LGSN: variants seen among roughly 807,000 people sequenced by gnomAD.
LGSN encodes lengsin, lens protein with glutamine synthetase domain.
A neutral mutation model predicts 19.5 loss-of-function variants in LGSN; 21 were observed. The ratio of observed to expected loss-of-function variants is 1.07; its 90% CI spans 0.76 to 1.55. LGSN has a LOEUF of 1.55. Ranked by LOEUF, LGSN falls within the 40% of genes most tolerant of loss-of-function variation. The pLI, the probability that LGSN is intolerant of heterozygous loss-of-function variation, is 0.00. For synonymous variants in LGSN, 257 were observed against 215.6 expected (o/e 1.19, Z -1.68); for missense variants, 673 against 608.5 (o/e 1.11, Z -1.12).
the LGSN span, among the ~76,000 whole-genome samples, chr6:63,376,143 T>C: frequency 5.3e-5 from 8 of 152,166 alleles, no homozygotes; most frequent in Non-Finnish European, 1.0e-4. Flanking sequence ...TTGCCCATGT[T>C]CCCCCGATGC....
rs1437821570 is a variant in LGSN at position 63,281,074 on chromosome 6, C to G, written c.477G>C (p.Leu159Phe). 1 of 1,613,738 alleles carries G rather than the reference C, an allele frequency of 6.2e-7. No individual in the cohort carries two copies. Among genetic ancestry groups the G allele is most frequent in the Non-Finnish European group, 8.5e-7 (1 of 1,179,938 alleles). ...CTCTTGCAGTTCTGTCAGCCCATGG[C>G]AAAACTCTAAAGGTTGATAACTCTG... The part of the protein sequence containing the change: ...LMPELSTFRV[L>F]PWADRTARVI... The change falls in exon 4 of 4, where the codon TTG becomes TTC. Residue 159 changes from leucine (L) to phenylalanine (F), a missense_variant. Physicochemically the swap from Leu to Phe is conservative, Grantham distance 22. Transcript: ENST00000370657.
intron 2 of LGSN, among the ~76,000 whole-genome samples, chr6:63,294,264 G>A (rs1014296828): frequency 6.6e-6 from 1 of 152,074 alleles, no homozygotes; most frequent in Non-Finnish European, 1.5e-5. Flanking sequence ...GAGCCCAGGA[G>A]GCAGAGATTG....
At chr6:63,340,360 CAT>C in the LGSN span, among the ~76,000 whole-genome samples, 2 of 152,050 alleles carry the variant, frequency 1.3e-5, no homozygotes, top group African/African-American at 2.4e-5. Context: ...AGATTTTCTA[CAT>C]GTTTCCCCAT....
the LGSN span, among the ~76,000 whole-genome samples, chr6:63,363,668 CA>C: frequency 1.3e-5 from 2 of 152,100 alleles, no homozygotes; most frequent in African/African-American, 4.8e-5. Context: ...TATAAAGAAA[CA>C]AACAAAGCCT....
At chr6:63,420,197 C>T in the LGSN span, among the ~76,000 whole-genome samples, 2 of 148,548 alleles carry the variant, frequency 1.3e-5, no homozygotes, top group Admixed American at 6.7e-5. Flanking sequence ...ACCGAGACTG[C>T]GTCTCAAAAA....
the LGSN span, among the ~76,000 whole-genome samples, chr6:63,496,983 CTTGA>C: frequency 6.6e-6 from 1 of 151,920 alleles, no homozygotes; most frequent in Admixed American, 6.6e-5. Flanking sequence ...AACAAAAATC[CTTGA>C]TTGAAATATG....
chr6:63,364,485 T>C, the LGSN span, among the ~76,000 whole-genome samples: 6 of 152,104 alleles, frequency 3.9e-5, no homozygotes, highest in South Asian at 4.1e-4. Flanking sequence ...ACAATAATAA[T>C]GGGAGACTTT....
the LGSN span, among the ~76,000 whole-genome samples, chr6:63,560,138 T>C: frequency 6.6e-6 from 1 of 151,822 alleles, no homozygotes; most frequent in African/African-American, 2.4e-5. Context: ...AAGTGAAAAG[T>C]ACCAGCCTGG....
chr6:63,474,949 G>GTGCAAA, the LGSN span, among the ~76,000 whole-genome samples: 2 of 151,286 alleles, frequency 1.3e-5, no homozygotes, highest in African/African-American at 4.8e-5. Flanking sequence ...CACAGATTTT[G>GTGCAAA]TGCAAAATGA....
At chr6:63,569,300 G>A in the LGSN span, among the ~76,000 whole-genome samples, 1 of 152,170 alleles carries the variant, frequency 6.6e-6, no homozygotes, top group African/African-American at 2.4e-5. Flanking sequence ...CTGTCTCCCA[G>A]GCTAGAGTGC....
chr6:63,566,690 T>C, the LGSN span, among the ~76,000 whole-genome samples: 10 of 152,330 alleles, frequency 6.6e-5, no homozygotes, highest in South Asian at 2.1e-4. Context: ...AGGGAGGTAG[T>C]TGCTGAAGGT....
At chr6:63,316,026 G>C (rs1768837023) in intron 1 of LGSN, among the ~76,000 whole-genome samples, 1 of 152,016 alleles carries the variant, frequency 6.6e-6, no homozygotes, top group Non-Finnish European at 1.5e-5. Context: ...AAAATGGAAT[G>C]GGTTATTTGT....
chr6:63,432,188 GAAAAGA>G, the LGSN span, among the ~76,000 whole-genome samples: 8 of 31,930 alleles, frequency 2.5e-4, no homozygotes, highest in Admixed American at 5.4e-4. Context: ...AGAAAGAAAA[GAAAAGA>G]AAAGAAAAGA....
the LGSN span, among the ~76,000 whole-genome samples, chr6:63,505,378 G>A: frequency 6.6e-6 from 1 of 151,282 alleles, no homozygotes; most frequent in Non-Finnish European, 1.5e-5. Flanking sequence ...AGGAGTTCAA[G>A]GCCAGCCTGG....
the LGSN span, among the ~76,000 whole-genome samples, chr6:63,429,823 A>G: frequency 6.6e-6 from 1 of 151,664 alleles, no homozygotes; most frequent in Non-Finnish European, 1.5e-5. Flanking sequence ...AGCTCCTCCT[A>G]TCATTCTGCT....
chr6:63,326,436 G>C, the LGSN span, among the ~76,000 whole-genome samples: 1 of 152,212 alleles, frequency 6.6e-6, no homozygotes, highest in Non-Finnish European at 1.5e-5. Flanking sequence ...TGCCAGTCCC[G>C]TGCCATGCAC....
chr6:63,284,956 C>T (rs1413266678), intron 3 of LGSN, among the ~76,000 whole-genome samples: 1 of 152,056 alleles, frequency 6.6e-6, no homozygotes, highest in African/African-American at 2.4e-5. Context: ...ACCTGATGTC[C>T]CTTGCTAAGA....
At chr6:63,499,283 A>G in the LGSN span, among the ~76,000 whole-genome samples, 1 of 152,092 alleles carries the variant, frequency 6.6e-6, no homozygotes, top group Admixed American at 6.5e-5. Context: ...ATTTTGATAA[A>G]AGCTGAACAG....
intron 2 of LGSN, among the ~76,000 whole-genome samples, chr6:63,291,223 C>T (rs528989743): frequency 2.0e-5 from 3 of 152,284 alleles, no homozygotes; most frequent in East Asian, 1.9e-4. Context: ...TTACCATGCT[C>T]TTTTAGTTTT....
Sources: gnomAD v4.1 joint callset for allele counts (sites outside exome capture counted in the v4.1 genomes callset) on GRCh38, gnomAD v4.1.1 for gene constraint, MANE v1.5 for transcripts, NCBI Gene and HGNC (gene_info 2026-07-23, HGNC 2026-07-21) for gene names.